Variants in ALAD observed in about 807,000 individuals in gnomAD.
ALAD encodes delta-aminolevulinic acid dehydratase.
ALAD carries 20 observed loss-of-function variants against 44.4 expected under a neutral mutation model. That is an observed-to-expected ratio of 0.45 (90% CI 0.32 to 0.65). ALAD has a LOEUF of 0.65. Among genes scored for constraint, ALAD ranks in the 30% least tolerant of loss-of-function variants. ALAD has a pLI of 0.05. For missense variants in ALAD, 323 were observed against 445.7 expected (o/e 0.72, Z 2.48); for synonymous variants, 156 against 167.9 (o/e 0.93, Z 0.55).
Position 113,390,923 on chromosome 9 carries a change from C to T in ALAD, c.272G>A (p.Gly91Asp). 4 of 1,614,082 alleles carry T rather than the reference C, an allele frequency of 2.5e-6. No homozygotes were observed. The highest frequency in any genetic ancestry group is 8.5e-7 in the Non-Finnish European group (1 of 1,180,026). The change falls in exon 5 of 12, where the codon GGT becomes GAT. Residue 91 changes from glycine (G) to aspartate (D), a missense_variant. Gly to Asp is a moderately conservative substitution (Grantham distance 94, BLOSUM62 -1). Coordinates refer to ENST00000409155, the MANE Select transcript of ALAD (RefSeq NM_000031.6). ...VPSRVPKDERGSAADSEESPA... is the reference protein window; with the variant it reads ...VPSRVPKDERDSAADSEESPA... ...GGACTCCTCGGAGTCAGCTGCGGAA[C>T]CCCGCTCGTCCTAGGGGCAGGGGAG... is the stretch of plus-strand genomic sequence containing the variant.
chr9:113,395,903 C>T (rs780177074), intron 1 of ALAD, among the ~76,000 whole-genome samples: 4 of 151,354 alleles, frequency 2.6e-5, no homozygotes, highest in Non-Finnish European at 5.9e-5. Context: ...ACTAAAAATA[C>T]AAAAATTAGG....
chr9:113,388,427 G>T, intron 11 of ALAD, 66 bp from the exon 12 acceptor site: 1 of 1,482,524 alleles, frequency 6.7e-7, no homozygotes, highest in Non-Finnish European at 9.4e-7. Flanking sequence ...CACCTTCTGC[G>T]ATGGGAAGGC....
In ALAD at chr9:113,390,503, A is replaced by G. The variant is rs747945830; in HGVS notation, c.482-10T>C. The G allele has an allele frequency of 6.2e-7, 1 of 1,614,040 alleles. No individual in the cohort carries two copies. Among genetic ancestry groups the G allele is most frequent in the East Asian group, 2.2e-5 (1 of 44,870 alleles). ...GCTACCACCTGACATCCTGGGGGGCAGAGGGTGGCCTTCAGAACTCTGGGG... is the reference window on the plus strand; with the variant it reads ...GCTACCACCTGACATCCTGGGGGGCGGAGGGTGGCCTTCAGAACTCTGGGG... On this transcript the variant is annotated splice_polypyrimidine_tract_variant and intron_variant, in intron 6 of 11. Transcript: ENST00000409155.
rs565098226 is a variant in ALAD, at chr9:113,387,828, C to T, written c.*472G>A. ...TGGGAAATGCCTTCCAGTGGAATTG[C>T]GGCAAATTTCAACTCTAACCCAGGG... is the stretch of plus-strand genomic sequence containing the variant. On this transcript the variant is annotated 3_prime_UTR_variant, in exon 12 of 12. Transcript: ENST00000409155. 2.8e-5 allele frequency: 6 copies of T among 212,408 alleles called. No homozygotes were observed. The highest frequency in any genetic ancestry group is 2.1e-4 in the Admixed American group (4 of 19,508). 13.2% of individuals were successfully genotyped at this position (212,408 alleles called of 1,614,324 possible).
rs533332473 is a variant in ALAD at position 113,392,117 on chromosome 9, A to T, written c.164+2T>A. On this transcript the variant is annotated splice_donor_variant, in intron 3 of 11. Transcript: ENST00000409155. LOFTEE classifies it high-confidence loss of function. ...CTGGCCCCCCAACTCCACGTCTCCTACCTGGCCACTCCTGGGAGGCTGGTG... is the reference window on the plus strand; with the variant it reads ...CTGGCCCCCCAACTCCACGTCTCCTTCCTGGCCACTCCTGGGAGGCTGGTG... 12 of 1,611,158 alleles carry T rather than the reference A, an allele frequency of 7.4e-6. No individual in the cohort carries two copies. The highest frequency in any genetic ancestry group is 9.3e-6 in the Non-Finnish European group (11 of 1,178,762).
intron 3 of ALAD, 113 bp from the exon 4 acceptor site, chr9:113,391,736 A>G: frequency 2.3e-6 from 2 of 853,754 alleles, no homozygotes; most frequent in African/African-American, 1.7e-5. Context: ...TGGCACCAGG[A>G]GGGCTCAAGC....
chr9:113,389,413 C>T, intron 10 of ALAD, 25 bp downstream of exon 10: 8 of 1,611,986 alleles, frequency 5.0e-6, no homozygotes, highest in Non-Finnish European at 6.8e-6. Flanking sequence ...CCCCTGAGCC[C>T]CCTTTGCCTC....
chr9:113,398,846 G>T (rs1038555462), intron 1 of ALAD, among the ~76,000 whole-genome samples: 5 of 152,104 alleles, frequency 3.3e-5, no homozygotes, highest in Admixed American at 6.6e-5. Flanking sequence ...CTGTGAGTGG[G>T]AAAACACCCC....
rs1179519898 is a variant in ALAD at position 113,393,507 on chromosome 9, G to A, written c.53C>T (p.Ala18Val). ...GAGGGTGGTGGTGGCTGTCTGCCAG[G>A]CCCGAAGTAGTGGGTGGAAGTAGCC... ...HSGYFHPLLR[A>V]WQTATTTLNA... The change falls in exon 2 of 12, where the codon GCC becomes GTC. Residue 18 changes from alanine (A) to valine (V), a missense_variant. Ala to Val is a moderately conservative substitution (Grantham distance 64). Coordinates refer to ENST00000409155, the MANE Select transcript of ALAD (RefSeq NM_000031.6). 3 of 1,613,880 alleles carry A rather than the reference G, an allele frequency of 1.9e-6. No homozygotes were observed. Among genetic ancestry groups the A allele is most frequent in the Admixed American group, 1.7e-5 (1 of 59,988 alleles).
intron 1 of ALAD, among the ~76,000 whole-genome samples, chr9:113,400,789 T>C (rs1333306753): frequency 1.3e-5 from 2 of 152,030 alleles, no homozygotes; most frequent in South Asian, 2.1e-4. Flanking sequence ...GCCATTGCAC[T>C]CCAGCCTGGG....
Position 113,389,110 on chromosome 9 carries a change from C to T in ALAD, c.802-4G>A, listed in dbSNP as rs1827494318. The T allele has an allele frequency of 6.2e-7, 1 of 1,613,926 alleles. No homozygotes were observed. The highest frequency in any genetic ancestry group is 8.5e-7 in the Non-Finnish European group (1 of 1,180,028). On this transcript the variant is annotated splice_polypyrimidine_tract_variant and splice_region_variant and intron_variant, in intron 10 of 11. Transcript: ENST00000409155. The stretch of plus-strand genomic sequence containing the variant: ...CGGCGAGAGGGAGGTCAGGGTGCTG[C>T]AGGGAAGCAGACAGGGAGACAGGCT...
rs1039069565 is a variant in ALAD, at chr9:113,390,263, C to T, written c.570+142G>A. On this transcript the variant is annotated intron_variant, in intron 7 of 11. Coordinates refer to ENST00000409155, the MANE Select transcript of ALAD (RefSeq NM_000031.6). ...TCTTGAACCCCTGACCTCAAGTGATCTACCTGCCTCAGCCTCCCAAAGTGC... is the reference window on the plus strand; with the variant it reads ...TCTTGAACCCCTGACCTCAAGTGATTTACCTGCCTCAGCCTCCCAAAGTGC... 8.2e-6 allele frequency: 7 copies of T among 851,382 alleles called. No homozygotes were observed. In the African/African-American group the frequency reaches 1.2e-4, roughly 14 times the overall value. The allele number at this position is 851,382 out of a possible 1,614,324, so 52.7% of individuals were successfully genotyped here.
In ALAD at chr9:113,390,859, G is replaced by C. The variant is rs534300233; in HGVS notation, c.336C>G (p.Phe112Leu). The part of the protein sequence containing the change: ...IEAIHLLRKT[F>L]PNLLVACDVC... Reference sequence around the variant, plus strand: ...CATCACAGGCCACCAGGAGGTTGGGGAAGGTCTTCCTCAACAGATGGATTG... The same window carrying C: ...CATCACAGGCCACCAGGAGGTTGGGCAAGGTCTTCCTCAACAGATGGATTG... The change falls in exon 5 of 12, where the codon TTC becomes TTG. Residue 112 changes from phenylalanine (F) to leucine (L), a missense_variant. By Grantham distance (22) the Phe-to-Leu change is conservative. Coordinates refer to ENST00000409155, the MANE Select transcript of ALAD (RefSeq NM_000031.6). 1 of 1,614,124 alleles carries C rather than the reference G, an allele frequency of 6.2e-7. No homozygotes were observed. The highest frequency in any genetic ancestry group is 1.3e-5 in the African/African-American group (1 of 75,056).
Position 113,386,406 on chromosome 9 carries a change from G to GTT in ALAD, c.*1893_*1894insAA, listed in dbSNP as rs1217485271. On this transcript the variant is annotated 3_prime_UTR_variant, in exon 12 of 12. Coordinates refer to ENST00000409155, the MANE Select transcript of ALAD (RefSeq NM_000031.6). ...ATAGTTTTGCCCACTGTAGGCTAAT[G>GTT]TAAGTGTTCTGAGCATGTTTAAGGC... 1 of 152,174 alleles carries GTT rather than the reference G, an allele frequency of 6.6e-6. No individual in the cohort carries two copies. Among genetic ancestry groups the GTT allele is most frequent in the Admixed American group, 6.5e-5 (1 of 15,282 alleles). 9.4% of individuals were successfully genotyped at this position (152,174 alleles called of 1,614,324 possible). A position where few individuals can be genotyped will look rare whatever the true frequency, so the allele number is the denominator to read the frequency against.
chr9:113,393,413 A>C, intron 2 of ALAD, 34 bp downstream of exon 2: 3 of 1,532,830 alleles, frequency 2.0e-6, no homozygotes, highest in Non-Finnish European at 2.7e-6. Flanking sequence ...CCCAACCAGC[A>C]GAGCAGAGGC....
At chr9:113,389,215 G>A in intron 10 of ALAD, 109 bp from the exon 11 acceptor site, 2 of 1,520,610 alleles carry the variant, frequency 1.3e-6, no homozygotes, top group Admixed American at 1.9e-5. Context: ...CCGTGTCCTG[G>A]GTTACTGCGG....
chr9:113,398,736 A>G (rs915598292), intron 1 of ALAD, among the ~76,000 whole-genome samples: 1 of 152,128 alleles, frequency 6.6e-6, no homozygotes, highest in Non-Finnish European at 1.5e-5. Flanking sequence ...CTATAAACTG[A>G]CCCTGCAGCT....
rs368315304 is a variant in ALAD at position 113,391,481 on chromosome 9, G to A, written c.261+46C>T. 4,586 of 1,564,370 alleles carry A rather than the reference G, an allele frequency of 2.9e-3. 13 individuals are homozygous for A. The highest frequency in any genetic ancestry group is 3.6e-3 in the Non-Finnish European group (4,076 of 1,135,220). On this transcript the variant is annotated intron_variant, in intron 4 of 11. Transcript: ENST00000409155. Reference sequence around the variant, plus strand: ...GGCCTCCCAAAGTGCTGGGATTACGGGCGTGAGCGCAACCTCCCTTCTTAG... The same window carrying A: ...GGCCTCCCAAAGTGCTGGGATTACGAGCGTGAGCGCAACCTCCCTTCTTAG...
chr9:113,394,687 T>C (rs944749653), intron 1 of ALAD, among the ~76,000 whole-genome samples: 1 of 152,302 alleles, frequency 6.6e-6, no homozygotes, highest in African/African-American at 2.4e-5. Context: ...ATGCCCGTGT[T>C]CATGGCAGAA....
Sources: allele counts gnomAD v4.1 joint callset (sites outside exome capture counted in the v4.1 genomes callset), GRCh38; gene constraint gnomAD v4.1.1; transcripts MANE v1.5; gene names NCBI Gene and HGNC (gene_info 2026-07-23, HGNC 2026-07-21).